Variants in BCAT1 observed in about 807,000 individuals in gnomAD.
BCAT1 encodes the protein branched chain amino acid transaminase 1, also known as branched-chain-amino-acid aminotransferase, cytosolic.
A neutral mutation model predicts 52.4 loss-of-function variants in BCAT1; 48 were observed. The ratio of observed to expected loss-of-function variants is 0.92; its 90% CI spans 0.73 to 1.16. The LOEUF (loss-of-function observed/expected upper bound fraction) is 1.16, where lower values mean the gene tolerates loss of function less well. BCAT1 is among the 50% of genes most tolerant of loss of function. BCAT1 has a pLI of 0.00. For synonymous variants in BCAT1, 167 were observed against 161.3 expected (o/e 1.04, Z -0.27); for missense variants, 451 against 457.1 (o/e 0.99, Z 0.12).
chr12:24,832,926 A>G, intron 8 of BCAT1, 63 bp from the exon 9 acceptor site: 1 of 1,461,532 alleles, frequency 6.8e-7, no homozygotes. Context: ...AACAATTGCA[A>G]TACTTACTGT....
chr12:24,853,754 G>A (rs1199615543), intron 5 of BCAT1, among the ~76,000 whole-genome samples: 8 of 152,142 alleles, frequency 5.3e-5, no homozygotes, highest in Admixed American at 5.2e-4. Context: ...ACATATGGAT[G>A]ACAATAGCTG....
In BCAT1 at chr12:24,810,188, C is replaced by G. The variant is rs987897702; in HGVS notation, c.*7820G>C. On this transcript the variant is annotated 3_prime_UTR_variant, in exon 11 of 11. Transcript: ENST00000261192. ...CAAGCCCAGTGATTATTCTACAGAC[C>G]ATAGGAAGCATCTACACCTCAGCTG... 2.6e-5 allele frequency: 4 copies of G among 152,046 alleles called. No homozygotes were observed. The highest frequency in any genetic ancestry group is 1.3e-4 in the Admixed American group (2 of 15,266). 9.4% of individuals were successfully genotyped at this position (152,046 alleles called of 1,614,324 possible). A position where few individuals can be genotyped will look rare whatever the true frequency, so the allele number is the denominator to read the frequency against.
chr12:24,820,077 C>T (rs968906684), intron 10 of BCAT1, among the ~76,000 whole-genome samples: 1 of 152,190 alleles, frequency 6.6e-6, no homozygotes, highest in Non-Finnish European at 1.5e-5. Context: ...ACTACTGTCA[C>T]TTCATCTTGA....
At chr12:24,822,019 T>C (rs144790160) in intron 10 of BCAT1, among the ~76,000 whole-genome samples, 2 of 152,236 alleles carry the variant, frequency 1.3e-5, no homozygotes, top group Non-Finnish European at 2.9e-5. Context: ...GGACCCCAAG[T>C]GGCAGAGGCA....
chr12:24,874,830 A>G (rs981022528), intron 5 of BCAT1, among the ~76,000 whole-genome samples: 10 of 152,248 alleles, frequency 6.6e-5, no homozygotes, highest in African/African-American at 2.2e-4. Context: ...ACCAGGGAAT[A>G]GAGACTGGAC....
chr12:24,849,807 G>C lies in BCAT1; in HGVS notation c.653C>G (p.Thr218Ser), dbSNP rs751546806. 18 of 1,612,064 alleles carry C rather than the reference G, an allele frequency of 1.1e-5. No homozygotes were observed. Among genetic ancestry groups the C allele is most frequent in the Middle Eastern group, 3.3e-4 (2 of 6,054 alleles). The stretch of plus-strand genomic sequence containing the variant: ...TTACCCTCCCATCTTGCAGTCCCCA[G>C]TTCCACCTTTCCAGGCTCTTACATA... ...PKYVRAWKGG[T>S]GDCKMGGNYG... is the part of the protein sequence containing the mutation. Residue 218 changes from threonine (T) to serine (S), a missense_variant, in exon 6 of 11, where the codon ACT (threonine) becomes AGT (serine). By Grantham distance (58) the Thr-to-Ser change is moderately conservative (BLOSUM62 1). Transcript: ENST00000261192.
At chr12:24,886,055 A>C (rs1942654469) in intron 3 of BCAT1, among the ~76,000 whole-genome samples, 1 of 152,236 alleles carries the variant, frequency 6.6e-6, no homozygotes, top group Non-Finnish European at 1.5e-5. Context: ...GACAGCAATA[A>C]AAAAGTGAAC....
intron 1 of BCAT1, 112 bp from the exon 2 acceptor site, chr12:24,901,997 A>T (rs1435195384): frequency 1.1e-5 from 17 of 1,598,132 alleles, no homozygotes; most frequent in Non-Finnish European, 1.4e-5. Context: ...GGACCCAGGC[A>T]AACACAAAAA....
chr12:24,934,064 GC>G (rs1943719019), intron 1 of BCAT1, among the ~76,000 whole-genome samples: 1 of 152,148 alleles, frequency 6.6e-6, no homozygotes. Context: ...CCTAGTTTCT[GC>G]CGGCATTCAC....
intron 6 of BCAT1, among the ~76,000 whole-genome samples, chr12:24,843,954 C>G (rs116260987): frequency 0.026 from 3,908 of 152,154 alleles, 145 homozygotes; most frequent in African/African-American, 0.09. Context: ...CCATGATCAC[C>G]ACACTTCACA....
intron 1 of BCAT1, among the ~76,000 whole-genome samples, chr12:24,924,945 G>A (rs1943556488): frequency 6.6e-6 from 1 of 152,148 alleles, no homozygotes; most frequent in South Asian, 2.1e-4. Context: ...GTTAACCATT[G>A]GGTGAATCCG....
intron 6 of BCAT1, among the ~76,000 whole-genome samples, chr12:24,844,836 G>A (rs994832563): frequency 7.2e-5 from 10 of 138,110 alleles, no homozygotes; most frequent in African/African-American, 2.7e-4. Context: ...GGTGGAGCTT[G>A]CAGTGAGCCG....
chr12:24,831,851 G>A (rs1309330083), intron 9 of BCAT1, among the ~76,000 whole-genome samples: 1 of 152,188 alleles, frequency 6.6e-6, no homozygotes, highest in Non-Finnish European at 1.5e-5. Flanking sequence ...TTGTTATAAA[G>A]TGAAAAGCAA....
At chr12:24,822,962 C>T (rs1940205098) in intron 10 of BCAT1, among the ~76,000 whole-genome samples, 1 of 151,634 alleles carries the variant, frequency 6.6e-6, no homozygotes, top group Non-Finnish European at 1.5e-5. Context: ...CTCCCATCCT[C>T]TGCTTAAACT....
intron 3 of BCAT1, among the ~76,000 whole-genome samples, chr12:24,890,037 C>A (rs1942791800): frequency 6.6e-6 from 1 of 152,070 alleles, no homozygotes; most frequent in South Asian, 2.1e-4. Flanking sequence ...CGATACCTCA[C>A]CCTACACATC....
intron 1 of BCAT1, among the ~76,000 whole-genome samples, chr12:24,920,660 G>A (rs1221017339): frequency 6.6e-6 from 1 of 152,046 alleles, no homozygotes; most frequent in East Asian, 1.9e-4. Flanking sequence ...CACAAGCTAG[G>A]TGTCCTCCAA....
intron 6 of BCAT1, among the ~76,000 whole-genome samples, chr12:24,846,823 A>G (rs1941358250): frequency 6.6e-6 from 1 of 152,250 alleles, no homozygotes; most frequent in African/African-American, 2.4e-5. Context: ...CATTTCAGAT[A>G]AGAGATATGC....
chr12:24,879,159 A>C (rs1026661276), intron 4 of BCAT1, among the ~76,000 whole-genome samples: 4 of 152,200 alleles, frequency 2.6e-5, no homozygotes, highest in Non-Finnish European at 5.9e-5. Flanking sequence ...GATGTAAAAC[A>C]CAAATCATGA....
At chr12:24,881,610 AT>A (rs1334683721) in intron 3 of BCAT1, among the ~76,000 whole-genome samples, 199 bp from the exon 4 acceptor site, 1 of 152,216 alleles carries the variant, frequency 6.6e-6, no homozygotes, top group Non-Finnish European at 1.5e-5. Context: ...GAGGAAAGTT[AT>A]TTTATTATCA....
Sources: gnomAD v4.1 joint callset for allele counts (sites outside exome capture counted in the v4.1 genomes callset) on GRCh38, gnomAD v4.1.1 for gene constraint, MANE v1.5 for transcripts, NCBI Gene and HGNC (gene_info 2026-07-23, HGNC 2026-07-21) for gene names.